Variants in CTSO observed in about 807,000 individuals in gnomAD.
CTSO encodes the protein cathepsin O.
In CTSO, 40 loss-of-function variants were observed where a neutral mutation model predicts 42.4. The observed-to-expected ratio is 0.94, with a 90% CI of 0.73 to 1.23. The LOEUF (loss-of-function observed/expected upper bound fraction) is 1.23. Among genes scored for constraint, CTSO ranks in the 50% most tolerant of loss-of-function variants. The pLI is 0.00. For synonymous variants in CTSO, 156 were observed against 146.2 expected (o/e 1.07, Z -0.48); for missense variants, 441 against 396.0 (o/e 1.11, Z -0.96).
intron 1 of CTSO, among the ~76,000 whole-genome samples, chr4:155,945,410 A>C (rs1426238837): frequency 6.6e-6 from 1 of 152,226 alleles, no homozygotes; most frequent in Non-Finnish European, 1.5e-5. Context: ...ATAAATTGGC[A>C]AACTGTACAA....
At chr4:155,953,669 G>A in intron 1 of CTSO, 44 bp downstream of exon 1, 1 of 1,239,038 alleles carries the variant, frequency 8.1e-7, no homozygotes, top group Non-Finnish European at 1.0e-6. Flanking sequence ...GGGACAGGAA[G>A]TGAGGGAGCA....
chr4:155,946,009 TTTAA>T (rs1478217069), intron 1 of CTSO, among the ~76,000 whole-genome samples: 1 of 152,148 alleles, frequency 6.6e-6, no homozygotes, highest in Non-Finnish European at 1.5e-5. Flanking sequence ...ACACAAATTG[TTTAA>T]TTAAGAAAAT....
At chr4:155,936,120 C>G (rs943819541) in intron 5 of CTSO, among the ~76,000 whole-genome samples, 3 of 152,140 alleles carry the variant, frequency 2.0e-5, no homozygotes, top group African/African-American at 7.2e-5. Flanking sequence ...ATAGGGCATA[C>G]TTTCTGATTT....
At chr4:155,928,967 T>C (rs981122830) in intron 6 of CTSO, among the ~76,000 whole-genome samples, 9 of 152,188 alleles carry the variant, frequency 5.9e-5, no homozygotes, top group African/African-American at 1.9e-4. Flanking sequence ...ATGTTCGTGA[T>C]GGCCATGACG....
At chr4:155,949,593 C>T (rs1301867009) in intron 1 of CTSO, among the ~76,000 whole-genome samples, 7 of 152,190 alleles carry the variant, frequency 4.6e-5, no homozygotes, top group African/African-American at 1.7e-4. Flanking sequence ...CTTTTAACAA[C>T]TTTCATTTGC....
chr4:155,939,953 C>G (rs10000523), intron 3 of CTSO, among the ~76,000 whole-genome samples: 1 of 152,052 alleles, frequency 6.6e-6, no homozygotes, highest in Non-Finnish European at 1.5e-5. Flanking sequence ...TTTAAGGACA[C>G]TCTGCTTCCA....
intron 7 of CTSO, 124 bp downstream of exon 7, chr4:155,928,212 A>G: frequency 2.1e-6 from 1 of 480,346 alleles, no homozygotes; most frequent in Non-Finnish European, 3.4e-6. Flanking sequence ...TTTTTTTTTT[A>G]TCATTTGGTT....
intron 3 of CTSO, 41 bp downstream of exon 3, chr4:155,942,276 A>C: frequency 6.7e-7 from 1 of 1,496,918 alleles, no homozygotes; most frequent in Non-Finnish European, 8.9e-7. Flanking sequence ...GCTGCCTTTC[A>C]ATGCTTAGAT....
At chr4:155,939,316 C>A in intron 4 of CTSO, 55 bp downstream of exon 4, 1 of 1,464,178 alleles carries the variant, frequency 6.8e-7, no homozygotes. Context: ...TTTGAACACA[C>A]AGTAAACAAG....
chr4:155,942,345 AC>A lies in CTSO; in HGVS notation c.355del (p.Val119LeufsTer2), dbSNP rs771663526. On this transcript the variant is annotated frameshift_variant, in exon 3 of 8. Coordinates refer to ENST00000433477, the MANE Select transcript of CTSO (RefSeq NM_001334.3). LOFTEE classifies it high-confidence loss of function. ...PLRFDWRDKQ[V>X]VTQVRNQQMC... ...CTGCTGGTTTCTCACTTGTGTCACA[AC>A]CTGCTTGTCCCTCCAGTCAAATCTT... 1.0e-5 allele frequency: 16 copies of A among 1,582,280 alleles called. No homozygotes were observed. The South Asian group carries it at 1.4e-4, about 14-fold the overall frequency.
intron 1 of CTSO, among the ~76,000 whole-genome samples, chr4:155,952,319 A>G (rs1035705448): frequency 1.3e-5 from 2 of 152,110 alleles, no homozygotes; most frequent in African/African-American, 4.8e-5. Context: ...TCACTACATA[A>G]ATTATACACA....
intron 5 of CTSO, among the ~76,000 whole-genome samples, chr4:155,935,868 T>C (rs1279433176): frequency 6.6e-6 from 1 of 152,190 alleles, no homozygotes; most frequent in East Asian, 1.9e-4. Flanking sequence ...ATCTTCAATA[T>C]AAACAAGATA....
At chr4:155,952,105 T>C (rs1234494923) in intron 1 of CTSO, among the ~76,000 whole-genome samples, 1 of 152,134 alleles carries the variant, frequency 6.6e-6, no homozygotes, top group Admixed American at 6.5e-5. Context: ...ATGAAGCAAA[T>C]TCTTACAGGC....
At chr4:155,930,583 T>C (rs1282932348) in intron 5 of CTSO, among the ~76,000 whole-genome samples, 3 of 152,158 alleles carry the variant, frequency 2.0e-5, no homozygotes, top group African/African-American at 7.2e-5. Flanking sequence ...AAGTTCCTAA[T>C]AGTTCAAACT....
At chr4:155,950,888 A>G (rs1052141045) in intron 1 of CTSO, among the ~76,000 whole-genome samples, 28 of 150,920 alleles carry the variant, frequency 1.9e-4, no homozygotes, top group African/African-American at 6.4e-4. Context: ...ATTGTCTTCC[A>G]TGAAACCAAT....
rs1322891667 is a variant in CTSO, at chr4:155,925,341, T to C, written c.*695A>G. 1 of 152,206 alleles carries C rather than the reference T, an allele frequency of 6.6e-6. No individual in the cohort carries two copies. Among genetic ancestry groups the C allele is most frequent in the Non-Finnish European group, 1.5e-5 (1 of 68,038 alleles). 9.4% of individuals were successfully genotyped at this position (152,206 alleles called of 1,614,324 possible). On this transcript the variant is annotated 3_prime_UTR_variant, in exon 8 of 8. Coordinates refer to ENST00000433477, the MANE Select transcript of CTSO (RefSeq NM_001334.3). ...GGATTCCTATTCACAATGAAAATTA[T>C]CAAACAATAATTTGTCTCTCAGGCA...
chr4:155,945,920 C>T (rs1374944442), intron 1 of CTSO, among the ~76,000 whole-genome samples: 4 of 152,100 alleles, frequency 2.6e-5, no homozygotes, highest in African/African-American at 9.7e-5. Context: ...ACACACCACA[C>T]CACACCAAAT....
At position 155,926,170 on chromosome 4, in the gene CTSO, A is replaced by G; in HGVS notation, c.932-100T>C. The G allele has an allele frequency of 3.9e-6, 3 of 777,936 alleles. No individual in the cohort carries two copies. In the South Asian group the frequency reaches 5.4e-5, roughly 14 times the overall value. The allele number at this position is 777,936 out of a possible 1,614,324, so 48.2% of individuals were successfully genotyped here. A position where few individuals can be genotyped will look rare whatever the true frequency, so the allele number is the denominator to read the frequency against. ...TCATTTGGGTTCAGAAAGAGTATCT[A>G]CTGAGAAAATAATGTAATGCTTATC... On this transcript the variant is annotated intron_variant, in intron 7 of 7. Transcript: ENST00000433477.
At chr4:155,931,043 T>C (rs902439543) in intron 5 of CTSO, among the ~76,000 whole-genome samples, 3 of 152,142 alleles carry the variant, frequency 2.0e-5, no homozygotes, top group Non-Finnish European at 4.4e-5. Flanking sequence ...AATACAAGGA[T>C]AAAATTATGG....
Sources: gnomAD v4.1 joint callset for allele counts (sites outside exome capture counted in the v4.1 genomes callset) on GRCh38, gnomAD v4.1.1 for gene constraint, MANE v1.5 for transcripts, NCBI Gene and HGNC (gene_info 2026-07-23, HGNC 2026-07-21) for gene names.